The following ESRRG variants were observed in gnomAD, a reference collection of about 807,000 sequenced individuals.
ESRRG encodes estrogen-related receptor gamma.
In ESRRG, 13 loss-of-function variants were observed where a neutral mutation model predicts 44.0. The ratio of observed to expected loss-of-function variants is 0.30; its 90% CI spans 0.19 to 0.47. The LOEUF is 0.47. Among genes scored for constraint, ESRRG ranks in the 20% least tolerant of loss-of-function variants. The pLI is 1.00. For missense variants in ESRRG, 395 were observed against 580.6 expected (o/e 0.68, Z 3.29); for synonymous variants, 215 against 214.6 (o/e 1.00, Z -0.02).
At chr1:216,757,729 A>C (rs1428237298) in intron 2 of ESRRG, among the ~76,000 whole-genome samples, 1 of 152,088 alleles carries the variant, frequency 6.6e-6, no homozygotes, top group Non-Finnish European at 1.5e-5. Context: ...AGAGAGATAT[A>C]GTCCTGTCTA....
chr1:217,097,924 G>A (rs563478810), intron 1 of ESRRG, among the ~76,000 whole-genome samples: 7 of 151,472 alleles, frequency 4.6e-5, no homozygotes, highest in Non-Finnish European at 7.4e-5. Context: ...GGAATCACTT[G>A]GAAAGCTTTT....
intron 5 of ESRRG, among the ~76,000 whole-genome samples, chr1:216,523,894 G>A (rs2046857351): frequency 6.6e-6 from 1 of 150,684 alleles, no homozygotes; most frequent in Admixed American, 6.6e-5. Context: ...TATCATGCTA[G>A]AACTGTAATT....
chr1:216,702,608 C>CAAAAA (rs61361041), intron 1 of ESRRG, among the ~76,000 whole-genome samples: 4 of 132,340 alleles, frequency 3.0e-5, no homozygotes, highest in East Asian at 2.2e-4. Flanking sequence ...ACTAAAAATA[C>CAAAAA]AAAAAAAAAA....
At chr1:217,016,680 C>G (rs1020623109) in intron 1 of ESRRG, among the ~76,000 whole-genome samples, 3 of 152,062 alleles carry the variant, frequency 2.0e-5, no homozygotes, top group Non-Finnish European at 2.9e-5. Flanking sequence ...GGAAAAGAAC[C>G]ATCAAAAGAG....
chr1:216,787,435 T>A (rs1315448106), intron 2 of ESRRG, among the ~76,000 whole-genome samples: 1 of 151,730 alleles, frequency 6.6e-6, no homozygotes, highest in African/African-American at 2.4e-5. Flanking sequence ...AAACCCCATC[T>A]CTACTAAAAA....
intron 1 of ESRRG, among the ~76,000 whole-genome samples, chr1:217,066,350 G>C (rs577289440): frequency 2.1e-4 from 32 of 150,352 alleles, no homozygotes; most frequent in South Asian, 4.2e-4. Context: ...CGCCTCCCGG[G>C]TTCACGCCAT....
chr1:216,863,099 T>C (rs2096079417), intron 2 of ESRRG: 2 of 152,196 alleles, frequency 1.3e-5, no homozygotes, highest in Admixed American at 1.3e-4. Context: ...CCATCAGAAT[T>C]GCCTGGAGGG....
At chr1:217,133,950 A>G (rs1161374136) in intron 1 of ESRRG, among the ~76,000 whole-genome samples, 1 of 152,046 alleles carries the variant, frequency 6.6e-6, no homozygotes, top group African/African-American at 2.4e-5. Flanking sequence ...AAGATGTACT[A>G]AGTTTCGCAT....
In ESRRG at chr1:217,065,062, C is replaced by A. The variant is rs148889143; in HGVS notation, c.-106+24445G>T. On this transcript the variant is annotated intron_variant, in intron 1 of 7. Coordinates refer to the ESRRG transcript ENST00000359162. Reference sequence around the variant, plus strand: ...GACTCTATAGCTCCTTGACGGGAAGCCCTGTTATATTAAGAAAAAGGCAGA... The same window carrying A: ...GACTCTATAGCTCCTTGACGGGAAGACCTGTTATATTAAGAAAAAGGCAGA... Among the ~76,000 whole-genome samples the A allele has an allele frequency of 7.8e-3, 1,186 of 152,170 alleles. 16 individuals are homozygous for A. The highest frequency in any genetic ancestry group is 0.027 in the African/African-American group (1,137 of 41,504).
chr1:216,989,323 G>A (rs374336424), intron 1 of ESRRG, among the ~76,000 whole-genome samples: 4 of 150,292 alleles, frequency 2.7e-5, no homozygotes, highest in East Asian at 2.0e-4. Flanking sequence ...ATGGTGGCAC[G>A]TACCTGTAGT....
chr1:216,851,656 G>A (rs901414571), intron 2 of ESRRG, among the ~76,000 whole-genome samples: 3 of 152,142 alleles, frequency 2.0e-5, no homozygotes, highest in African/African-American at 7.2e-5. Flanking sequence ...CTCCAGAACT[G>A]TAAGAAATTA....
At chr1:216,762,856 A>G (rs1042687551) in intron 2 of ESRRG, among the ~76,000 whole-genome samples, 2 of 152,100 alleles carry the variant, frequency 1.3e-5, no homozygotes, top group African/African-American at 4.8e-5. Flanking sequence ...GAATACCAAT[A>G]TAAGTGTAGA....
At chr1:217,112,534 C>T (rs2102465637) in intron 1 of ESRRG, among the ~76,000 whole-genome samples, 1 of 152,272 alleles carries the variant, frequency 6.6e-6, no homozygotes, top group African/African-American at 2.4e-5. Flanking sequence ...TCTTCAGGAT[C>T]TGACTAAGAT....
intron 1 of ESRRG, among the ~76,000 whole-genome samples, chr1:217,122,987 C>T (rs1296920662): frequency 6.6e-6 from 1 of 152,012 alleles, no homozygotes; most frequent in Non-Finnish European, 1.5e-5. Context: ...CCACCGCGCC[C>T]AGCCAGCACA....
intron 2 of ESRRG, chr1:216,805,515 G>C (rs2094760865): frequency 6.6e-6 from 1 of 152,106 alleles, no homozygotes; most frequent in South Asian, 2.1e-4. Flanking sequence ...AGTCCAGGCG[G>C]GTCACAAGTG....
At position 217,088,398 on chromosome 1, in the gene ESRRG, C is replaced by CTTTTTTTT. The variant is rs71585811; in HGVS notation, c.-106+1101_-106+1108dup. On this transcript the variant is annotated intron_variant, in intron 1 of 7. Transcript: ENST00000359162. ...TGCTGAGAATTTCTTTTTTTCCTGT[C>CTTTTTTTT]TTTTTTTTTTTTTTTTTTTTTTTTT... Among the ~76,000 whole-genome samples, 50 of 59,734 alleles carry CTTTTTTTT rather than the reference C, an allele frequency of 8.4e-4. 4 individuals are homozygous for CTTTTTTTT. Among genetic ancestry groups the CTTTTTTTT allele is most frequent in the African/African-American group, 3.0e-3 (42 of 13,780 alleles). 39.2% of individuals were successfully genotyped at this position (59,734 alleles called of 152,430 possible). A position where few individuals can be genotyped will look rare whatever the true frequency, so the allele number is the denominator to read the frequency against.
chr1:216,733,588 C>T (rs914829577), intron 2 of ESRRG, among the ~76,000 whole-genome samples: 1 of 152,128 alleles, frequency 6.6e-6, no homozygotes, highest in Non-Finnish European at 1.5e-5. Flanking sequence ...GAGAAAGTTA[C>T]ATATTTATAA....
chr1:216,718,731 G>A (rs1157385529), intron 1 of ESRRG, among the ~76,000 whole-genome samples: 1 of 151,996 alleles, frequency 6.6e-6, no homozygotes, highest in African/African-American at 2.4e-5. Context: ...TTTCTCCAGA[G>A]AGCTGGCTAG....
chr1:217,045,234 T>G (rs1017683443), intron 1 of ESRRG, among the ~76,000 whole-genome samples: 1 of 152,144 alleles, frequency 6.6e-6, no homozygotes, highest in Non-Finnish European at 1.5e-5. Context: ...TATAGGAGGA[T>G]TCTCATCAAC....
Sources: allele counts gnomAD v4.1 joint callset (sites outside exome capture counted in the v4.1 genomes callset), GRCh38; gene constraint gnomAD v4.1.1; transcripts MANE v1.5; gene names NCBI Gene and HGNC (gene_info 2026-07-23, HGNC 2026-07-21).